Variants in PARVB observed in about 807,000 individuals in gnomAD.
The protein encoded by PARVB is beta-parvin.
A neutral mutation model predicts 47.0 loss-of-function variants in PARVB; 46 were observed. That is an observed-to-expected ratio of 0.98 (90% CI 0.77 to 1.25). The LOEUF is 1.25. Among genes scored for constraint, PARVB ranks in the 50% most tolerant of loss-of-function variants. PARVB has a pLI of 0.00. For missense variants in PARVB, 473 were observed against 471.6 expected, an observed-to-expected ratio of 1.00 and a Z score of -0.03; for synonymous variants, 196 against 196.3, an observed-to-expected ratio of 1.00 and a Z score of 0.01.
intron 12 of PARVB, among the ~76,000 whole-genome samples, chr22:44,164,410 C>CCCA (rs1555913768): frequency 1.6e-4 from 2 of 12,232 alleles, no homozygotes; most frequent in South Asian, 0.011. Flanking sequence ...GCTTCCCTGT[C>CCCA]CCCCCCCCGG....
chr22:44,076,781 T>C (rs1020048550), intron 1 of PARVB, among the ~76,000 whole-genome samples: 1 of 151,966 alleles, frequency 6.6e-6, no homozygotes, highest in Non-Finnish European at 1.5e-5. Context: ...CTGTGTCCCA[T>C]GGAGGAGGTG....
intron 10 of PARVB, among the ~76,000 whole-genome samples, chr22:44,156,039 A>C (rs1207407638): frequency 6.6e-6 from 1 of 151,952 alleles, no homozygotes; most frequent in Non-Finnish European, 1.5e-5. Context: ...AATCCCAGCT[A>C]CTCAGGAGGC....
At chr22:44,031,922 T>C (rs2050833743) in intron 1 of PARVB, among the ~76,000 whole-genome samples, 1 of 152,132 alleles carries the variant, frequency 6.6e-6, no homozygotes, top group South Asian at 2.1e-4. Flanking sequence ...ATAAAAGACA[T>C]ACCCTATGAA....
In PARVB at chr22:44,113,732, C is replaced by A. The variant is rs1261409258; in HGVS notation, c.274-5306C>A. The A allele has an allele frequency of 3.0e-5, 2 of 65,998 alleles. 1 individual carries two copies. Among genetic ancestry groups the A allele is most frequent in the Non-Finnish European group, 5.5e-5 (2 of 36,672 alleles). 4.1% of individuals were successfully genotyped at this position (65,998 alleles called of 1,614,324 possible). A position where few individuals can be genotyped will look rare whatever the true frequency, so the allele number is the denominator to read the frequency against. ...CATTGTTACTAACTAAGGCCCTGCA[C>A]CAACACAAATACGTTCTTACTAAGT... On this transcript the variant is annotated intron_variant, in intron 3 of 12. Coordinates refer to ENST00000338758, the MANE Select transcript of PARVB (RefSeq NM_013327.5).
chr22:44,133,060 C>T (rs2053365257), intron 6 of PARVB, 51 bp downstream of exon 6: 1 of 1,259,008 alleles, frequency 7.9e-7, no homozygotes, highest in African/African-American at 1.5e-5. Flanking sequence ...AGAGAGGCAA[C>T]ATCTTCCTCC....
rs372754911 is a variant in PARVB, at chr22:44,147,911, G to A, written c.763G>A (p.Val255Met). Residue 255 changes from valine (V) to methionine (M), a missense_variant, in exon 9 of 13, where the codon GTG (valine) becomes ATG (methionine). By Grantham distance (21) the Val-to-Met change is conservative. Coordinates refer to ENST00000338758, the MANE Select transcript of PARVB (RefSeq NM_013327.5). ...LFDHAPDKLS[V>M]VKKSLITFVN... is the part of the protein sequence containing the mutation. ...CGACCACGCCCCGGATAAGCTCAGC[G>A]TGGTGAAGAAGGTGAGCTATTGGTG... 5 of 1,613,812 alleles carry A rather than the reference G, an allele frequency of 3.1e-6. No individual in the cohort carries two copies. The highest frequency in any genetic ancestry group is 1.6e-4 in the Middle Eastern group (1 of 6,082).
intron 6 of PARVB, 125 bp downstream of exon 6, chr22:44,133,134 T>C (rs2053367219): frequency 5.2e-6 from 3 of 579,400 alleles, no homozygotes; most frequent in Non-Finnish European, 9.1e-6. Flanking sequence ...TTTTTCCCTT[T>C]TGACAAAATG....
At chr22:44,081,168 G>A (rs926574582) in intron 1 of PARVB, among the ~76,000 whole-genome samples, 8 of 152,304 alleles carry the variant, frequency 5.3e-5, no homozygotes, top group East Asian at 1.9e-4. Context: ...GTCTGTGCCC[G>A]GTGGGGCCCA....
At chr22:44,124,646 C>A (rs951979227) in intron 4 of PARVB, among the ~76,000 whole-genome samples, 23 of 150,180 alleles carry the variant, frequency 1.5e-4, no homozygotes, top group Admixed American at 1.3e-3. Flanking sequence ...CAGACAAGCC[C>A]CATCCTGGTG....
At chr22:44,109,078 GT>G (rs71918181) in intron 3 of PARVB, 42,359 of 152,032 alleles carry the variant, frequency 0.28, 6,155 homozygotes, top group East Asian at 0.41. Flanking sequence ...TTTAAGTTCT[GT>G]TTTCTTCCTC....
rs55865160 is a variant in PARVB at position 44,122,562 on chromosome 22, CAGAGAGAGAGAGAGAGAGAG to C, written c.376+3451_376+3470del. Among the ~76,000 whole-genome samples, 24 of 78,802 alleles carry C rather than the reference CAGAGAGAGAGAGAGAGAGAG, an allele frequency of 3.0e-4. No individual in the cohort carries two copies. The Middle Eastern group carries it at 0.027, about 90-fold the overall frequency. 51.7% of individuals were successfully genotyped at this position (78,802 alleles called of 152,430 possible). On this transcript the variant is annotated intron_variant, in intron 4 of 12. Coordinates refer to ENST00000338758, the MANE Select transcript of PARVB (RefSeq NM_013327.5). ...AGAGAGAGAGAGAGAGACACAGAGA[CAGAGAGAGAGAGAGAGAGAG>C]AGAGAGAGAGAGAGAGAGAGAGAGA...
chr22:44,156,279 C>CTTTT (rs71188434), intron 10 of PARVB, among the ~76,000 whole-genome samples: 3 of 126,398 alleles, frequency 2.4e-5, no homozygotes, highest in African/African-American at 3.0e-5. Context: ...GACTTTTCAT[C>CTTTT]TTTTTTTTTT....
chr22:44,057,311 C>G (rs1328447695), intron 1 of PARVB, among the ~76,000 whole-genome samples: 1 of 152,054 alleles, frequency 6.6e-6, no homozygotes, highest in Non-Finnish European at 1.5e-5. Flanking sequence ...ATTTTATGAG[C>G]CAGTCGAGTC....
At chr22:44,016,629 G>T (rs561537972) in intron 2 of PARVB, among the ~76,000 whole-genome samples, 1 of 152,248 alleles carries the variant, frequency 6.6e-6, no homozygotes, top group South Asian at 2.1e-4. Context: ...AAATAATTTT[G>T]TGCGTGAAAC....
At chr22:44,108,284 G>C (rs1271005854) in intron 3 of PARVB, 1 of 152,254 alleles carries the variant, frequency 6.6e-6, no homozygotes, top group African/African-American at 2.4e-5. Flanking sequence ...TGAGGGCCCT[G>C]ATTTGTAATC....
chr22:44,121,838 C>A (rs762410217), intron 4 of PARVB, among the ~76,000 whole-genome samples: 17 of 152,182 alleles, frequency 1.1e-4, no homozygotes, highest in Admixed American at 2.6e-4. Context: ...CCAGGGAGAA[C>A]CTTGGTTCCA....
intron 10 of PARVB, chr22:44,153,264 A>G (rs2053849186): frequency 6.6e-6 from 1 of 151,792 alleles, no homozygotes; most frequent in Non-Finnish European, 1.5e-5. Context: ...CCCCCTTCAG[A>G]CTCTCCAGGG....
chr22:44,131,715 C>T, intron 5 of PARVB, 88 bp downstream of exon 5: 1 of 1,391,192 alleles, frequency 7.2e-7, no homozygotes, highest in Non-Finnish European at 9.7e-7. Context: ...CCACATTCAT[C>T]ATCATCCCAT....
At chr22:44,094,141 G>T in intron 2 of PARVB, 124 bp downstream of exon 2, 1 of 552,540 alleles carries the variant, frequency 1.8e-6, no homozygotes. Flanking sequence ...GGGGGCATTT[G>T]GGAGTCTAAG....
Sources: allele counts gnomAD v4.1 joint callset (sites outside exome capture counted in the v4.1 genomes callset), GRCh38; gene constraint gnomAD v4.1.1; transcripts MANE v1.5; gene names NCBI Gene and HGNC (gene_info 2026-07-23, HGNC 2026-07-21).